Variants in DPP4 observed in about 807,000 individuals in gnomAD.
DPP4 encodes ADCP-2.
A neutral mutation model predicts 122.4 loss-of-function variants in DPP4; 93 were observed. That is an observed-to-expected ratio of 0.76 (90% confidence interval 0.64 to 0.90). The LOEUF (loss-of-function observed/expected upper bound fraction) is 0.90. Ranked by LOEUF, DPP4 falls within the 40% of genes least tolerant of loss-of-function variation. The pLI, the probability that DPP4 is intolerant of heterozygous loss-of-function variation, is 0.00. For missense variants in DPP4, 914 were observed against 907.3 expected (o/e 1.01, Z -0.09); for synonymous variants, 321 against 302.9 (o/e 1.06, Z -0.62).
chr2:162,005,872 A>C, intron 22 of DPP4, 63 bp from the exon 23 acceptor site: 1 of 1,299,290 alleles, frequency 7.7e-7, no homozygotes, highest in Non-Finnish European at 1.1e-6. Flanking sequence ...TCTTGCTTTT[A>C]ATGGGCCACT....
intron 10 of DPP4, among the ~76,000 whole-genome samples, chr2:162,028,054 A>G (rs995825877): frequency 4.1e-4 from 61 of 147,076 alleles, no homozygotes; most frequent in African/African-American, 1.5e-3. Context: ...TCAAAGAATC[A>G]TTTAAAAAAA....
intron 2 of DPP4, among the ~76,000 whole-genome samples, chr2:162,061,183 A>G (rs1490969288): frequency 6.6e-6 from 1 of 152,126 alleles, no homozygotes; most frequent in East Asian, 1.9e-4. Flanking sequence ...CTAGGATTAC[A>G]TGTGTGAGCC....
intron 2 of DPP4, among the ~76,000 whole-genome samples, chr2:162,062,793 C>T (rs1414052494): frequency 6.6e-6 from 1 of 152,182 alleles, no homozygotes; most frequent in Non-Finnish European, 1.5e-5. Context: ...CAGGCCCAAG[C>T]AGGTAATCTC....
chr2:162,001,134 A>G (rs1701136678), intron 23 of DPP4, among the ~76,000 whole-genome samples: 1 of 152,104 alleles, frequency 6.6e-6, no homozygotes, highest in Non-Finnish European at 1.5e-5. Context: ...CTAACCCTCA[A>G]TATCAATATG....
intron 23 of DPP4, among the ~76,000 whole-genome samples, chr2:162,005,009 T>C (rs1176157255): frequency 6.6e-6 from 1 of 152,226 alleles, no homozygotes; most frequent in Non-Finnish European, 1.5e-5. Context: ...AGTTTTGGAA[T>C]GATCAAAGTG....
chr2:162,019,635 T>TAAGGGA (rs755235911), intron 14 of DPP4, among the ~76,000 whole-genome samples: 1 of 152,040 alleles, frequency 6.6e-6, no homozygotes, highest in African/African-American at 2.4e-5. Context: ...TTCTGTCTTA[T>TAAGGGA]AACATAAGCT....
Position 162,057,362 on chromosome 2 carries a change from C to G in DPP4, c.95-9861G>C, listed in dbSNP as rs576857102. 1.2e-4 allele frequency among the ~76,000 whole-genome samples: 18 copies of G among 152,334 alleles called. No individual in the cohort carries two copies. The South Asian group carries it at 1.2e-3, about 11-fold the overall frequency. ...GGCTTTCACCTCCAAATATACATACCCTTCCTTGCTCAGTAATTCTGGGGA... is the reference window on the plus strand; with the variant it reads ...GGCTTTCACCTCCAAATATACATACGCTTCCTTGCTCAGTAATTCTGGGGA... On this transcript the variant is annotated intron_variant, in intron 2 of 25. Transcript: ENST00000360534.
At chr2:162,051,791 C>A (rs1684392078) in intron 2 of DPP4, among the ~76,000 whole-genome samples, 1 of 152,248 alleles carries the variant, frequency 6.6e-6, no homozygotes, top group Non-Finnish European at 1.5e-5. Context: ...TGCCACCCAT[C>A]TCCATAGATT....
intron 2 of DPP4, among the ~76,000 whole-genome samples, chr2:162,053,103 GAA>G (rs1272214142): frequency 2.0e-5 from 3 of 152,196 alleles, no homozygotes; most frequent in African/African-American, 7.2e-5. Context: ...GGAAGATTTG[GAA>G]AAGTCTCAGC....
At chr2:162,035,954 G>C (rs1683754783) in intron 8 of DPP4, among the ~76,000 whole-genome samples, 1 of 152,194 alleles carries the variant, frequency 6.6e-6, no homozygotes, top group Admixed American at 6.5e-5. Flanking sequence ...TGATGGGTAA[G>C]AGAAGAGGGT....
chr2:162,072,653 A>C (rs1301900681), intron 2 of DPP4, among the ~76,000 whole-genome samples: 1 of 152,222 alleles, frequency 6.6e-6, no homozygotes, highest in Non-Finnish European at 1.5e-5. Context: ...GCCAGGGGAG[A>C]CTGAAACTAG....
intron 8 of DPP4, among the ~76,000 whole-genome samples, chr2:162,036,185 T>C (rs1035585549): frequency 3.9e-5 from 6 of 152,168 alleles, no homozygotes; most frequent in African/African-American, 1.4e-4. Flanking sequence ...ACAAGTCTCA[T>C]GTAAGTGTAA....
chr2:162,047,257 A>G (rs1684217098), intron 3 of DPP4, 146 bp downstream of exon 3: 1 of 492,760 alleles, frequency 2.0e-6, no homozygotes, highest in Non-Finnish European at 3.5e-6. Context: ...CTCCCTTTGC[A>G]CTTCAAGTAG....
intron 5 of DPP4, among the ~76,000 whole-genome samples, chr2:162,043,722 G>A (rs1201291458): frequency 1.3e-5 from 2 of 152,156 alleles, no homozygotes; most frequent in African/African-American, 4.8e-5. Context: ...AATCACCTAT[G>A]ACAGTTTAAA....
intron 5 of DPP4, among the ~76,000 whole-genome samples, chr2:162,044,082 T>C (rs1216986378): frequency 6.6e-6 from 1 of 152,208 alleles, no homozygotes; most frequent in Non-Finnish European, 1.5e-5. Context: ...CTCTGTTTAC[T>C]GATCTGGGGA....
At chr2:162,062,615 A>G (rs924319352) in intron 2 of DPP4, among the ~76,000 whole-genome samples, 1 of 152,238 alleles carries the variant, frequency 6.6e-6, no homozygotes, top group Non-Finnish European at 1.5e-5. Flanking sequence ...ACTATAAGCC[A>G]GGGCTGCTCT....
rs542019467 is a variant in DPP4 at position 162,026,669 on chromosome 2, T to G, written c.888-1730A>C. Among the ~76,000 whole-genome samples, 4 of 152,172 alleles carry G rather than the reference T, an allele frequency of 2.6e-5. No homozygotes were observed. The East Asian group carries it at 7.7e-4, about 29-fold the overall frequency. ...ACCGCCAGGCTGCAGGGGCTGAGAG[T>G]GCAACTGCCACTTTCCATGCCGGGA... On this transcript the variant is annotated intron_variant, in intron 10 of 25. Transcript: ENST00000360534.
intron 12 of DPP4, among the ~76,000 whole-genome samples, chr2:162,021,827 G>GTT (rs1683139522): frequency 6.6e-6 from 1 of 152,154 alleles, no homozygotes; most frequent in Non-Finnish European, 1.5e-5. Context: ...AGTGTAGCGT[G>GTT]TCTCTTGCCA....
chr2:162,071,284 G>A (rs755726167), intron 2 of DPP4, among the ~76,000 whole-genome samples: 10 of 152,062 alleles, frequency 6.6e-5, no homozygotes, highest in Non-Finnish European at 1.2e-4. Flanking sequence ...TGCATTTTCT[G>A]GAATATCTTA....
Sources: allele counts gnomAD v4.1 joint callset (sites outside exome capture counted in the v4.1 genomes callset), GRCh38; gene constraint gnomAD v4.1.1; transcripts MANE v1.5; gene names NCBI Gene and HGNC (gene_info 2026-07-23, HGNC 2026-07-21).